The following ATP2B2 variants were observed in gnomAD, a reference collection of about 807,000 sequenced individuals.
ATP2B2 encodes the protein plasma membrane calcium-transporting ATPase 2.
ATP2B2 carries 15 observed loss-of-function variants against 120.0 expected under a neutral mutation model. The ratio of observed to expected loss-of-function variants is 0.12; its 90% confidence interval spans 0.08 to 0.19. The LOEUF (loss-of-function observed/expected upper bound fraction) is 0.19, where lower values mean the gene tolerates loss of function less well. Ranked by LOEUF, ATP2B2 falls within the 10% of genes least tolerant of loss-of-function variation. The pLI, the probability that ATP2B2 is intolerant of heterozygous loss-of-function variation, is 1.00. For missense variants in ATP2B2, 1,045 were observed against 1,719.8 expected (o/e 0.61, Z 6.94); for synonymous variants, 694 against 700.3 (o/e 0.99, Z 0.14).
chr3:10,597,801 G>A (rs2068808591), intron 2 of ATP2B2, among the ~76,000 whole-genome samples: 1 of 152,174 alleles, frequency 6.6e-6, no homozygotes, highest in Admixed American at 6.5e-5. Flanking sequence ...CATTTCAGCT[G>A]CTGCAGTTTG....
intron 1 of ATP2B2, among the ~76,000 whole-genome samples, chr3:10,497,534 C>T (rs751402698): frequency 9.9e-5 from 15 of 152,238 alleles, no homozygotes; most frequent in Non-Finnish European, 1.6e-4. Flanking sequence ...CTGCCAAGGG[C>T]TGTCCTAAGC....
chr3:10,554,296 A>C (rs1173152752), intron 2 of ATP2B2, among the ~76,000 whole-genome samples: 1 of 152,192 alleles, frequency 6.6e-6, no homozygotes, highest in Non-Finnish European at 1.5e-5. Context: ...CCAGGTGTGG[A>C]AGGCAGAATA....
chr3:10,528,606 G>T (rs992245433), intron 3 of ATP2B2, among the ~76,000 whole-genome samples: 7 of 152,150 alleles, frequency 4.6e-5, no homozygotes, highest in Non-Finnish European at 8.8e-5. Flanking sequence ...CCTCCTTCGT[G>T]TGCCAACGTG....
intron 1 of ATP2B2, among the ~76,000 whole-genome samples, chr3:10,488,718 C>A (rs1352843501): frequency 6.6e-6 from 1 of 152,108 alleles, no homozygotes; most frequent in African/African-American, 2.4e-5. Context: ...CTGAAGCTAT[C>A]CTGAATGTGA....
At chr3:10,567,699 T>C (rs2068038674) in intron 2 of ATP2B2, among the ~76,000 whole-genome samples, 1 of 152,240 alleles carries the variant, frequency 6.6e-6, no homozygotes, top group South Asian at 2.1e-4. Context: ...CAAGTTATTA[T>C]TTCTATTGAT....
intron 2 of ATP2B2, among the ~76,000 whole-genome samples, chr3:10,413,746 C>T (rs1010353634): frequency 9.2e-5 from 14 of 152,206 alleles, no homozygotes; most frequent in African/African-American, 3.4e-4. Context: ...CTCTACTTGA[C>T]CTTTATTCCT....
chr3:10,639,277 G>A (rs73035788), intron 1 of ATP2B2, among the ~76,000 whole-genome samples: 4 of 152,122 alleles, frequency 2.6e-5, no homozygotes. Flanking sequence ...TGCAGGCATG[G>A]GGTTATGGGA....
intron 1 of ATP2B2, among the ~76,000 whole-genome samples, chr3:10,640,286 A>G (rs763304232): frequency 4.3e-4 from 65 of 152,228 alleles, no homozygotes; most frequent in Non-Finnish European, 1.3e-4. Context: ...GTCAGAGGTC[A>G]GGACAGAAAG....
intron 8 of ATP2B2, among the ~76,000 whole-genome samples, chr3:10,380,658 G>T (rs940092031): frequency 1.1e-4 from 16 of 152,180 alleles, no homozygotes; most frequent in South Asian, 4.1e-4. Flanking sequence ...CTGCCGTCAG[G>T]GAGACCATGG....
intron 2 of ATP2B2, among the ~76,000 whole-genome samples, chr3:10,600,814 G>A (rs1442980891): frequency 1.3e-5 from 2 of 152,194 alleles, no homozygotes; most frequent in East Asian, 3.9e-4. Flanking sequence ...CCCTGCAGAG[G>A]GCTGAGTGAG....
At chr3:10,437,752 A>G (rs1443002092) in intron 2 of ATP2B2, among the ~76,000 whole-genome samples, 1 of 152,174 alleles carries the variant, frequency 6.6e-6, no homozygotes, top group Non-Finnish European at 1.5e-5. Flanking sequence ...GTACCTTAAA[A>G]TTGTGGTGGT....
chr3:10,398,625 C>G (rs2062120711), intron 5 of ATP2B2, among the ~76,000 whole-genome samples: 1 of 152,202 alleles, frequency 6.6e-6, no homozygotes, highest in South Asian at 2.1e-4. Flanking sequence ...GAGCTCCCTT[C>G]TGAGTCTCCA....
intron 1 of ATP2B2, among the ~76,000 whole-genome samples, chr3:10,670,844 C>A (rs764038266): frequency 3.9e-5 from 6 of 152,282 alleles, no homozygotes; most frequent in African/African-American, 1.2e-4. Flanking sequence ...AGAAATAAAT[C>A]TAATATTGGA....
chr3:10,574,001 T>C (rs916398260), intron 2 of ATP2B2, among the ~76,000 whole-genome samples: 1 of 152,148 alleles, frequency 6.6e-6, no homozygotes, highest in African/African-American at 2.4e-5. Flanking sequence ...TAAATCCTAT[T>C]GACACGTTCA....
chr3:10,546,681 C>T lies in ATP2B2; in HGVS notation c.-414-12548G>A, dbSNP rs1236209884. ...TAAATTAGCCCCCAAAGTCCCACCA[C>T]CATATATTCATCTTCCTCTGAGAGG... is the stretch of plus-strand genomic sequence containing the variant. On this transcript the variant is annotated intron_variant, in intron 2 of 21. Coordinates refer to the ATP2B2 transcript ENST00000646379. Among the ~76,000 whole-genome samples the T allele has an allele frequency of 3.3e-5, 5 of 152,340 alleles. No homozygotes were observed. In the East Asian group the frequency reaches 5.8e-4, roughly 18 times the overall value.
chr3:10,567,210 C>T (rs2068028670), intron 2 of ATP2B2, among the ~76,000 whole-genome samples: 1 of 152,214 alleles, frequency 6.6e-6, no homozygotes, highest in African/African-American at 2.4e-5. Context: ...AAAGCCTACC[C>T]AGGGACAGAA....
chr3:10,527,591 C>T (rs1315198234), intron 3 of ATP2B2, among the ~76,000 whole-genome samples: 1 of 152,186 alleles, frequency 6.6e-6, no homozygotes, highest in African/African-American at 2.4e-5. Flanking sequence ...GACAAGGACT[C>T]AAAGCCTCAC....
intron 1 of ATP2B2, among the ~76,000 whole-genome samples, chr3:10,662,907 T>G (rs1045926436): frequency 2.0e-5 from 3 of 152,014 alleles, no homozygotes; most frequent in Non-Finnish European, 4.4e-5. Context: ...GAATACCATG[T>G]AGCCATAAAA....
chr3:10,352,067 C>T (rs2060593948), intron 14 of ATP2B2, among the ~76,000 whole-genome samples: 1 of 152,254 alleles, frequency 6.6e-6, no homozygotes, highest in Non-Finnish European at 1.5e-5. Context: ...TGGGACAGCT[C>T]CTGCCTGGGG....
Sources: allele counts gnomAD v4.1 joint callset (sites outside exome capture counted in the v4.1 genomes callset), GRCh38; gene constraint gnomAD v4.1.1; transcripts MANE v1.5; gene names NCBI Gene and HGNC (gene_info 2026-07-23, HGNC 2026-07-21).